The following SLC8A1 variants were observed in gnomAD, a reference collection of about 807,000 sequenced individuals.
The protein encoded by SLC8A1 is solute carrier family 8 member A1, also known as sodium/calcium exchanger 1.
In SLC8A1, 18 loss-of-function variants were observed where a neutral mutation model predicts 68.3. The ratio of observed to expected loss-of-function variants is 0.26; its 90% CI spans 0.18 to 0.39. The LOEUF (loss-of-function observed/expected upper bound fraction) is 0.39, where lower values mean the gene tolerates loss of function less well. Ranked by LOEUF, SLC8A1 falls within the 10% of genes least tolerant of loss-of-function variation. The probability of loss-of-function intolerance (pLI) is 1.00; values close to 1 mark genes in which losing one functional copy is unlikely to be tolerated. For synonymous variants in SLC8A1, 475 were observed against 415.5 expected (o/e 1.14, Z -1.74); for missense variants, 985 against 1,156.7 (o/e 0.85, Z 2.15).
intron 2 of SLC8A1, among the ~76,000 whole-genome samples, chr2:40,282,956 T>A (rs1316976602): frequency 2.0e-4 from 30 of 152,296 alleles, no homozygotes. Context: ...GCCCAAATGA[T>A]CCTGACTTAT....
At chr2:40,262,110 G>C (rs760267910) in intron 2 of SLC8A1, among the ~76,000 whole-genome samples, 1 of 151,878 alleles carries the variant, frequency 6.6e-6, no homozygotes, top group Non-Finnish European at 1.5e-5. Flanking sequence ...CTACAGGCAC[G>C]CGCCATCACG....
chr2:40,406,226 T>C (rs568936843), intron 2 of SLC8A1, among the ~76,000 whole-genome samples: 1 of 152,294 alleles, frequency 6.6e-6, no homozygotes, highest in East Asian at 1.9e-4. Flanking sequence ...CAAAATATGA[T>C]CTCCCTATAG....
intron 1 of SLC8A1, among the ~76,000 whole-genome samples, chr2:40,497,673 G>A (rs1177137511): frequency 6.6e-6 from 1 of 152,006 alleles, no homozygotes; most frequent in Non-Finnish European, 1.5e-5. Context: ...TAAGTAGTTT[G>A]GAATAACTGG....
rs543098483 is a variant in SLC8A1 at position 40,244,629 on chromosome 2, A to T, written c.1809-66774T>A. 5.6e-5 allele frequency among the ~76,000 whole-genome samples: 8 copies of T among 142,222 alleles called. No homozygotes were observed. The South Asian group carries it at 1.6e-3, about 28-fold the overall frequency. 93.3% of individuals were successfully genotyped at this position (142,222 alleles called of 152,430 possible). On this transcript the variant is annotated intron_variant, in intron 2 of 7. Transcript: ENST00000406785. ...AACTTTCTGACAGAAAGCACTCGTC[A>T]ATTTTAGCCTGTCTATGCAATGATC...
At chr2:40,361,820 G>C (rs1164628412) in intron 2 of SLC8A1, among the ~76,000 whole-genome samples, 1 of 146,874 alleles carries the variant, frequency 6.8e-6, no homozygotes, top group Non-Finnish European at 1.5e-5. Context: ...AGAATATTAT[G>C]CACTGAAATG....
intron 2 of SLC8A1, chr2:40,213,155 T>A (rs1356076341): frequency 6.6e-6 from 1 of 152,254 alleles, no homozygotes; most frequent in Non-Finnish European, 1.5e-5. Context: ...ACACATTTCA[T>A]GTCAAATTTC....
intron 2 of SLC8A1, among the ~76,000 whole-genome samples, chr2:40,391,775 A>T (rs955691207): frequency 6.6e-6 from 1 of 152,084 alleles, no homozygotes; most frequent in Admixed American, 6.6e-5. Flanking sequence ...TCAGATGACA[A>T]AATAAATCAG....
chr2:40,158,500 C>T (rs1033019568), intron 6 of SLC8A1, among the ~76,000 whole-genome samples: 6 of 152,104 alleles, frequency 3.9e-5, no homozygotes, highest in Non-Finnish European at 8.8e-5. Context: ...ACATAAAGCA[C>T]AATATATTGT....
intron 1 of SLC8A1, among the ~76,000 whole-genome samples, chr2:40,465,657 G>T (rs997612796): frequency 6.6e-6 from 1 of 151,998 alleles, no homozygotes; most frequent in South Asian, 2.1e-4. Flanking sequence ...TCATTATAAA[G>T]AATTTTAATA....
chr2:40,246,449 T>C (rs767134412), intron 2 of SLC8A1, among the ~76,000 whole-genome samples: 1 of 152,226 alleles, frequency 6.6e-6, no homozygotes, highest in Non-Finnish European at 1.5e-5. Flanking sequence ...CAACTAGTCC[T>C]AAAGACAGAC....
At chr2:40,235,544 A>T (rs1372776701) in intron 2 of SLC8A1, among the ~76,000 whole-genome samples, 1 of 151,970 alleles carries the variant, frequency 6.6e-6, no homozygotes, top group Non-Finnish European at 1.5e-5. Flanking sequence ...TCCTTTCAAA[A>T]AACCAGCTCC....
Position 40,097,570 on chromosome 2 carries a change from A to C in SLC8A1, c.*17683T>G, listed in dbSNP as rs570155780. The C allele has an allele frequency of 2.6e-5, 4 of 152,132 alleles. No individual in the cohort carries two copies. In the East Asian group the frequency reaches 5.8e-4, roughly 22 times the overall value. 9.4% of individuals were successfully genotyped at this position (152,132 alleles called of 1,614,324 possible). ...TTACAACATATCTCAGGCAGCATGCAGGAAGAGTCATTTATTGTATGTTTG... is the reference window on the plus strand; with the variant it reads ...TTACAACATATCTCAGGCAGCATGCCGGAAGAGTCATTTATTGTATGTTTG... On this transcript the variant is annotated 3_prime_UTR_variant, in exon 8 of 8. Coordinates refer to ENST00000406785, the Ensembl canonical transcript of SLC8A1.
intron 2 of SLC8A1, among the ~76,000 whole-genome samples, chr2:40,295,924 G>A (rs980090053): frequency 6.6e-6 from 1 of 152,156 alleles, no homozygotes; most frequent in African/African-American, 2.4e-5. Flanking sequence ...AGGAGGAGAA[G>A]GGAAGAGAGA....
intron 2 of SLC8A1, among the ~76,000 whole-genome samples, chr2:40,384,501 T>A (rs1026355067): frequency 1.3e-5 from 2 of 152,030 alleles, no homozygotes; most frequent in African/African-American, 4.8e-5. Context: ...TACATCAACA[T>A]CATCATCATT....
exon 8 of SLC8A1, chr2:40,106,182 T>C (rs2034185444): frequency 6.6e-6 from 1 of 152,230 alleles, no homozygotes; most frequent in African/African-American, 2.4e-5. Context: ...GGAAAACTTT[T>C]TTCCTTTTCA....
At chr2:40,143,689 C>A (rs919841207) in intron 6 of SLC8A1, among the ~76,000 whole-genome samples, 1 of 152,156 alleles carries the variant, frequency 6.6e-6, no homozygotes, top group Non-Finnish European at 1.5e-5. Flanking sequence ...GTACTTGGAC[C>A]GTTCCTGCTC....
chr2:40,429,689 T>C (rs1697811064), exon 2 of SLC8A1: 10 of 1,613,848 alleles, frequency 6.2e-6, no homozygotes, highest in Non-Finnish European at 7.6e-6. Context: ...AAATGCTTAA[T>C]CTTCCTTGTC....
At chr2:40,107,190 C>G (rs2034254301) in exon 8 of SLC8A1, 1 of 148,860 alleles carries the variant, frequency 6.7e-6, no homozygotes, top group Non-Finnish European at 1.5e-5. Context: ...TTAGAAAATG[C>G]CGATTCGTGA....
chr2:40,235,975 T>C (rs1055888448), intron 2 of SLC8A1, among the ~76,000 whole-genome samples: 3 of 151,524 alleles, frequency 2.0e-5, no homozygotes, highest in Non-Finnish European at 4.4e-5. Context: ...TAGTTTGTTA[T>C]AATTTCTGTT....
Sources: allele counts gnomAD v4.1 joint callset (sites outside exome capture counted in the v4.1 genomes callset), GRCh38; gene constraint gnomAD v4.1.1; transcripts MANE v1.5; gene names NCBI Gene and HGNC (gene_info 2026-07-23, HGNC 2026-07-21).